The following TSC22D1 variants were observed in gnomAD, a reference collection of about 807,000 sequenced individuals.
TSC22D1 encodes TSC22 domain family member 1, also known as TSC22 domain family protein 1.
In TSC22D1, 9 loss-of-function variants were observed where a neutral mutation model predicts 74.2. The ratio of observed to expected loss-of-function variants is 0.12; its 90% CI spans 0.07 to 0.21. TSC22D1 has a LOEUF of 0.21. Among genes scored for constraint, TSC22D1 ranks in the 10% least tolerant of loss-of-function variants. The probability of loss-of-function intolerance (pLI) is 1.00; values close to 1 mark genes in which losing one functional copy is unlikely to be tolerated. For missense variants in TSC22D1, 1,427 were observed against 1,304.7 expected (o/e 1.09, Z -1.44); for synonymous variants, 586 against 492.5 (o/e 1.19, Z -2.51).
rs1298469090 is a variant in TSC22D1 at position 44,551,389 on chromosome 13, G to GGTGGGTGTGTGGGTGT, written c.2912+21773_2912+21774insACACCCACACACCCAC. On this transcript the variant is annotated intron_variant, in intron 1 of 2. Coordinates refer to ENST00000458659, the MANE Select transcript of TSC22D1 (RefSeq NM_183422.4). Reference sequence around the variant, plus strand: ...AAAAACCCAAAACCCCAATCAGATGGGTGTGTGTGTGTGTGTGTGTGTGTG... The same window carrying GGTGGGTGTGTGGGTGT: ...AAAAACCCAAAACCCCAATCAGATGGGTGGGTGTGTGGGTGTGTGTGTGTGTGTGTGTGTGTGTGTG... Among the ~76,000 whole-genome samples, 330 of 125,300 alleles carry GGTGGGTGTGTGGGTGT rather than the reference G, an allele frequency of 2.6e-3. 3 individuals are homozygous for GGTGGGTGTGTGGGTGT. Among genetic ancestry groups the GGTGGGTGTGTGGGTGT allele is most frequent in the Admixed American group, 6.4e-3 (78 of 12,280 alleles). 82.2% of individuals were successfully genotyped at this position (125,300 alleles called of 152,430 possible).
intron 1 of TSC22D1, among the ~76,000 whole-genome samples, chr13:44,552,466 G>A (rs1323192662): frequency 6.6e-6 from 1 of 152,122 alleles, no homozygotes; most frequent in African/African-American, 2.4e-5. Flanking sequence ...TCTAACTTAT[G>A]TACAAGATTT....
chr13:44,454,807 T>C (rs1046556715), intron 1 of TSC22D1, among the ~76,000 whole-genome samples: 11 of 151,888 alleles, frequency 7.2e-5, no homozygotes, highest in Non-Finnish European at 1.3e-4. Flanking sequence ...GATAAGGTCA[T>C]ACTCATCACC....
intron 1 of TSC22D1, among the ~76,000 whole-genome samples, chr13:44,460,428 T>C (rs1312139365): frequency 6.6e-6 from 1 of 152,232 alleles, no homozygotes; most frequent in Non-Finnish European, 1.5e-5. Context: ...AGTGACTTCA[T>C]TGTTTTTGGT....
At chr13:44,457,322 C>T (rs917604219) in intron 1 of TSC22D1, among the ~76,000 whole-genome samples, 15 of 152,120 alleles carry the variant, frequency 9.9e-5, no homozygotes, top group African/African-American at 2.9e-4. Flanking sequence ...TATAAAAACA[C>T]GCATTCAACA....
chr13:44,573,114 A>C (rs1257779522), intron 1 of TSC22D1, 49 bp downstream of exon 1: 5 of 1,580,532 alleles, frequency 3.2e-6, no homozygotes, highest in Non-Finnish European at 4.3e-6. Flanking sequence ...TACTAAATAG[A>C]TTAACTTCAA....
chr13:44,435,748 A>G (rs1450420897), intron 2 of TSC22D1: 1 of 461,592 alleles, frequency 2.2e-6, no homozygotes, highest in Non-Finnish European at 4.0e-6. Flanking sequence ...CGAAGGAGAT[A>G]GTTGGCCAGC....
At position 44,539,578 on chromosome 13, in the gene TSC22D1, T is replaced by C. The variant is rs529246574; in HGVS notation, c.2912+33585A>G. 489 of 985,408 alleles carry C rather than the reference T, an allele frequency of 5.0e-4. 8 individuals carry two copies. The highest frequency in any genetic ancestry group is 9.1e-4 in the East Asian group (8 of 8,818). The allele number at this position is 985,408 out of a possible 1,614,324, so 61.0% of individuals were successfully genotyped here. A position where few individuals can be genotyped will look rare whatever the true frequency, so the allele number is the denominator to read the frequency against. ...CAAATCATCCACTGCTTTAATTATC[T>C]GGAGAGAAAATTAAATTTTAGGTCT... On this transcript the variant is annotated intron_variant, in intron 1 of 2. Transcript: ENST00000458659.
chr13:44,575,724 A>C lies in TSC22D1; in HGVS notation c.351T>G (p.Thr117=), dbSNP rs1358018853. 1 of 1,614,184 alleles carries C rather than the reference A, an allele frequency of 6.2e-7. No individual in the cohort carries two copies. The highest frequency in any genetic ancestry group is 1.1e-5 in the South Asian group (1 of 91,082). Residue 117 remains threonine, a synonymous_variant, in exon 1 of 3, where the codon ACT becomes ACG. Coordinates refer to ENST00000458659, the MANE Select transcript of TSC22D1 (RefSeq NM_183422.4). ...KKSGFQITSV[T]PAQISASISS... ...TGATACTAGCGGAGATCTGAGCAGG[A>C]GTAACGCTAGTTATCTGGAAGCCAC...
intron 1 of TSC22D1, among the ~76,000 whole-genome samples, chr13:44,561,068 G>T (rs1027311712): frequency 6.6e-6 from 1 of 152,122 alleles, no homozygotes; most frequent in African/African-American, 2.4e-5. Flanking sequence ...GGGCGTCGGG[G>T]GACCAGGGAG....
chr13:44,561,371 A>G (rs1328562551), intron 1 of TSC22D1, among the ~76,000 whole-genome samples: 1 of 152,212 alleles, frequency 6.6e-6, no homozygotes, highest in Non-Finnish European at 1.5e-5. Flanking sequence ...CTCCTAAAAC[A>G]TAGTACTGAT....
Position 44,573,452 on chromosome 13 carries a change from G to A in TSC22D1, c.2623C>T (p.Pro875Ser). 3 of 1,614,258 alleles carry A rather than the reference G, an allele frequency of 1.9e-6. No homozygotes were observed. Among genetic ancestry groups the A allele is most frequent in the Non-Finnish European group, 2.5e-6 (3 of 1,180,058 alleles). ...TTTGTATTAGTTGCTATCAAGGGAG[G>A]TTGACTAACACTTTGAACCAAATTA... ...NGNLVQSVSQ[P>S]PLIATNTNLP... Residue 875 changes from proline to serine, a missense_variant, in exon 1 of 3, where the codon CCT becomes TCT. Pro to Ser is a moderately conservative substitution (Grantham distance 74). Transcript: ENST00000458659.
chr13:44,499,703 T>C (rs1298938479), intron 1 of TSC22D1, among the ~76,000 whole-genome samples: 1 of 152,206 alleles, frequency 6.6e-6, no homozygotes, highest in Non-Finnish European at 1.5e-5. Context: ...CACCAATTCT[T>C]GTGCTTTGCC....
At chr13:44,473,669 C>A (rs1326488947) in intron 1 of TSC22D1, among the ~76,000 whole-genome samples, 1 of 151,878 alleles carries the variant, frequency 6.6e-6, no homozygotes, top group African/African-American at 2.4e-5. Context: ...TTAAGCTAGT[C>A]AGGCCAGCTT....
In TSC22D1 at chr13:44,468,864, A is replaced by G. The variant is rs192263153; in HGVS notation, c.2913-32769T>C. ...TTTGCTGTTTCTAACAAAAATAGAAATTTTATATAACATAGTTTTTTCTTA... is the reference window on the plus strand; with the variant it reads ...TTTGCTGTTTCTAACAAAAATAGAAGTTTTATATAACATAGTTTTTTCTTA... On this transcript the variant is annotated intron_variant, in intron 1 of 2. Transcript: ENST00000458659. 7.6e-4 allele frequency among the ~76,000 whole-genome samples: 114 copies of G among 150,304 alleles called. 3 individuals are homozygous for G. The East Asian group carries it at 0.02, about 26-fold the overall frequency.
At chr13:44,552,893 C>G (rs929999685) in intron 1 of TSC22D1, among the ~76,000 whole-genome samples, 1 of 152,182 alleles carries the variant, frequency 6.6e-6, no homozygotes, top group East Asian at 1.9e-4. Flanking sequence ...GAGGCTGAGG[C>G]AGGAGAATGG....
chr13:44,525,965 G>A (rs912318228), intron 1 of TSC22D1, among the ~76,000 whole-genome samples: 2 of 152,126 alleles, frequency 1.3e-5, no homozygotes, highest in Non-Finnish European at 2.9e-5. Flanking sequence ...GCCAGGTGTT[G>A]GTGGCTTGCG....
At chr13:44,557,472 A>G (rs1176732278) in intron 1 of TSC22D1, among the ~76,000 whole-genome samples, 1 of 152,264 alleles carries the variant, frequency 6.6e-6, no homozygotes, top group Non-Finnish European at 1.5e-5. Flanking sequence ...AACAAAACAA[A>G]ACAAAAAGTT....
intron 1 of TSC22D1, among the ~76,000 whole-genome samples, chr13:44,479,640 T>C (rs1878087962): frequency 6.6e-6 from 1 of 152,178 alleles, no homozygotes; most frequent in African/African-American, 2.4e-5. Context: ...ACCAGCATTC[T>C]CAAGAAGAGA....
At chr13:44,547,547 C>A (rs1409636842) in intron 1 of TSC22D1, among the ~76,000 whole-genome samples, 2 of 152,068 alleles carry the variant, frequency 1.3e-5, no homozygotes, top group Non-Finnish European at 2.9e-5. Context: ...TATGTTTATT[C>A]CTGCATTATT....
Sources: gnomAD v4.1 joint callset for allele counts (sites outside exome capture counted in the v4.1 genomes callset) on GRCh38, gnomAD v4.1.1 for gene constraint, MANE v1.5 for transcripts, NCBI Gene and HGNC (gene_info 2026-07-23, HGNC 2026-07-21) for gene names.